The following FAT1 variants were observed in gnomAD, a reference collection of about 807,000 sequenced individuals.
FAT1 encodes the protein protocadherin Fat 1.
In FAT1, 171 loss-of-function variants were observed where a neutral mutation model predicts 329.8. The ratio of observed to expected loss-of-function variants is 0.52; its 90% CI spans 0.46 to 0.59. FAT1 has a LOEUF of 0.59. Among genes scored for constraint, FAT1 ranks in the 20% least tolerant of loss-of-function variants. The pLI is 0.00. For synonymous variants in FAT1, 2,233 were observed against 2,228.6 expected (o/e 1.00, Z -0.06); for missense variants, 5,672 against 5,774.4 (o/e 0.98, Z 0.57).
rs760021822 is a variant in FAT1 at position 186,707,171 on chromosome 4, T to C, written c.2657A>G (p.Glu886Gly). The change falls in exon 2 of 27, where the codon GAG becomes GGG. Residue 886 changes from glutamate to glycine, a missense_variant. Around this residue, in one of 2 missense-constraint regions of FAT1, gnomAD observed 3,966 missense variants for 3,915.2 expected, o/e 1.01. Transcript: ENST00000441802. ...VVNIARPLDRELQHEHSLKIE... is the reference protein window; with the variant it reads ...VVNIARPLDRGLQHEHSLKIE... ...CTTTAAGGAGTGCTCATGCTGCAGC[T>C]CTCGATCCAGAGGGCGTGCGATGTT... 6 of 1,613,800 alleles carry C rather than the reference T, an allele frequency of 3.7e-6. No homozygotes were observed. The highest frequency in any genetic ancestry group is 2.5e-6 in the Non-Finnish European group (3 of 1,179,882).
At chr4:186,597,815 C>A (rs760226790) in intron 23 of FAT1, 23 bp from the exon 24 acceptor site, 4 of 1,598,482 alleles carry the variant, frequency 2.5e-6, no homozygotes, top group Non-Finnish European at 2.6e-6. Flanking sequence ...GAGAAACAGA[C>A]ATAAACCTCA....
At position 186,611,781 on chromosome 4, in the gene FAT1, A is replaced by G. The variant is rs1177353413; in HGVS notation, c.9464-6T>C. ...TAAAATCTTCCGATTTAATCCTATG[A>G]AGACATAAAAACATGTCAAAAGATT... is the stretch of plus-strand genomic sequence containing the variant. On this transcript the variant is annotated splice_polypyrimidine_tract_variant and splice_region_variant and intron_variant, in intron 13 of 26. Transcript: ENST00000441802. The G allele has an allele frequency of 5.2e-6, 8 of 1,537,406 alleles. No individual in the cohort carries two copies. The highest frequency in any genetic ancestry group is 2.2e-5 in the Admixed American group (1 of 45,032).
Position 186,642,507 on chromosome 4 carries a change from C to T in FAT1, c.3581-2724G>A, listed in dbSNP as rs189261792. ...GAATGAGCAGAATTAAAAATATGTG[C>T]TAGAGTGAGAGAGATAAACTACTGT... On this transcript the variant is annotated intron_variant, in intron 3 of 26. Transcript: ENST00000441802. 1.8e-4 allele frequency among the ~76,000 whole-genome samples: 27 copies of T among 152,304 alleles called. 1 individual carries two copies. The highest frequency in any genetic ancestry group is 6.5e-4 in the African/African-American group (27 of 41,568).
chr4:186,662,841 ATTTTT>A (rs34295738), intron 3 of FAT1, among the ~76,000 whole-genome samples: 1 of 147,892 alleles, frequency 6.8e-6, no homozygotes, highest in Non-Finnish European at 1.5e-5. Context: ...ATTTAAGCTA[ATTTTT>A]TTTTTTTTGA....
At position 186,639,706 on chromosome 4, in the gene FAT1, TA is replaced by T. The variant is rs113622948; in HGVS notation, c.3642+15del. 873 of 1,407,368 alleles carry T rather than the reference TA, an allele frequency of 6.2e-4. 1 individual carries two copies. Among genetic ancestry groups the T allele is most frequent in the Admixed American group, 9.2e-4 (48 of 51,892 alleles). 87.2% of individuals were successfully genotyped at this position (1,407,368 alleles called of 1,614,324 possible). ...ACTACGAATCTTTAAGTATTAAAGA[TA>T]AAAAAAAAACTTACCTCTAATATGT... On this transcript the variant is annotated intron_variant, in intron 4 of 26. Coordinates refer to ENST00000441802, the MANE Select transcript of FAT1 (RefSeq NM_005245.4).
Position 186,620,693 on chromosome 4 carries a change from C to T in FAT1, c.5893G>A (p.Val1965Ile), listed in dbSNP as rs747920188. 9.3e-6 allele frequency: 15 copies of T among 1,613,882 alleles called. No individual in the cohort carries two copies. The highest frequency in any genetic ancestry group is 5.9e-6 in the Non-Finnish European group (7 of 1,179,908). ...TTGCTTTCTTTCACATTAATTTTGA[C>T]AGAGGTAAGGCCGGCAAATCTGCCA... ...SDGRFAGLTS[V>I]KINVKESKES... Residue 1965 changes from valine (V) to isoleucine (I), a missense_variant, in exon 10 of 27, where the codon GTC becomes ATC. This residue lies in a region of FAT1 where 3,966 missense variants were observed against 3,915.2 expected (regional missense o/e 1.01). Transcript: ENST00000441802.
upstream of FAT1, among the ~76,000 whole-genome samples, chr4:186,725,615 T>C (rs964287108): frequency 1.3e-5 from 2 of 151,908 alleles, no homozygotes; most frequent in Non-Finnish European, 2.9e-5. This position sits in a 1 kb window ranked among gnomAD's most constrained non-coding sequence, Gnocchi z 5.4. Context: ...CTTAGGACTC[T>C]GCCACGATTC....
chr4:186,693,859 T>C (rs933239933), intron 2 of FAT1, among the ~76,000 whole-genome samples: 4 of 152,370 alleles, frequency 2.6e-5, no homozygotes, highest in South Asian at 2.1e-4. Flanking sequence ...GAGTTTCTCA[T>C]GTATTTCATC....
intron 7 of FAT1, among the ~76,000 whole-genome samples, chr4:186,630,149 C>T (rs577221303): frequency 1.2e-4 from 19 of 152,302 alleles, no homozygotes; most frequent in African/African-American, 4.6e-4. Flanking sequence ...CATAGAGCCA[C>T]CAGGCTTACC....
chr4:186,691,564 G>C (rs755118906), intron 2 of FAT1, among the ~76,000 whole-genome samples: 1 of 152,180 alleles, frequency 6.6e-6, no homozygotes, highest in African/African-American at 2.4e-5. Flanking sequence ...GCTTTGGGAG[G>C]CCAAGGTAGT....
chr4:186,627,277 C>T (rs937641364), intron 9 of FAT1, among the ~76,000 whole-genome samples: 1 of 144,830 alleles, frequency 6.9e-6, no homozygotes, highest in Non-Finnish European at 1.5e-5. Flanking sequence ...CAACATGGCA[C>T]CTGGCACATA....
chr4:186,668,197 T>A (rs1579419064), intron 2 of FAT1, among the ~76,000 whole-genome samples: 1 of 152,214 alleles, frequency 6.6e-6, no homozygotes, highest in South Asian at 2.1e-4. Flanking sequence ...GTCAGCCCAG[T>A]TGCATGATAC....
chr4:186,717,485 C>G (rs780240230), intron 1 of FAT1, among the ~76,000 whole-genome samples: 10 of 152,166 alleles, frequency 6.6e-5, no homozygotes, highest in Non-Finnish European at 1.5e-4. Context: ...GATCAACCAC[C>G]GGTTCCAATT....
Position 186,596,731 on chromosome 4 carries a change from C to T in FAT1, c.12809G>A (p.Arg4270Gln), listed in dbSNP as rs1222913841. The T allele has an allele frequency of 1.5e-5, 25 of 1,613,790 alleles. No individual in the cohort carries two copies. Among genetic ancestry groups the T allele is most frequent in the South Asian group, 1.3e-4 (12 of 91,082 alleles). ...GATAGCAGATCCTTCGAAGGAATTT[C>T]GGTCCAGATTGTTTCTTGAGTCACT... ...IPSDSRNNLD[R>Q]NSFEGSAIPE... The change falls in exon 25 of 27, where the codon CGA (arginine) becomes CAA (glutamine). Residue 4270 changes from arginine (R) to glutamine (Q), a missense_variant. Around this residue, in one of 2 missense-constraint regions of FAT1, gnomAD observed 1,706 missense variants for 1,859.1 expected, o/e 0.92. Transcript: ENST00000441802. This position sits in a 1 kb window ranked among gnomAD's most constrained non-coding sequence, Gnocchi z 4.7.
chr4:186,662,110 TG>T (rs1304305489), intron 3 of FAT1, among the ~76,000 whole-genome samples: 3 of 151,634 alleles, frequency 2.0e-5, no homozygotes, highest in Admixed American at 2.0e-4. Context: ...AACATCTCTT[TG>T]AGGGTTTTTG....
rs1201316065 is a variant in FAT1 at position 186,628,505 on chromosome 4, G to A, written c.4582C>T (p.His1528Tyr). 6.2e-7 allele frequency: 1 copy of A among 1,614,056 alleles called. No homozygotes were observed. Among genetic ancestry groups the A allele is most frequent in the Non-Finnish European group, 8.5e-7 (1 of 1,179,902 alleles). Residue 1528 changes from histidine to tyrosine, a missense_variant, in exon 8 of 27, where the codon CAC becomes TAC. Transcript: ENST00000441802. ...GCGCCTACCATGACCGTGAGGGTGT[G>A]CTGGTGAACAGCTTCATGATCCAGT... is the stretch of plus-strand genomic sequence containing the variant. ...EKLDHEAVHQ[H>Y]TLTVMVRDQD... is the part of the protein sequence containing the mutation.
At chr4:186,665,768 A>G (rs1353893946) in intron 2 of FAT1, among the ~76,000 whole-genome samples, 1 of 152,082 alleles carries the variant, frequency 6.6e-6, no homozygotes, top group Non-Finnish European at 1.5e-5. Flanking sequence ...TCACAATAGC[A>G]AAGACTTGGA....
rs778651988 is a variant in FAT1, at chr4:186,618,539, T to C, written c.8047A>G (p.Lys2683Glu). ...VRAVDNGSPS[K>E]ESVVLVYVKI... is the part of the protein sequence containing the mutation. ...ACATAGACAAGAACAACAGATTCTTTTGATGGAGACCCATTATCCACAGCT... is the reference window on the plus strand; with the variant it reads ...ACATAGACAAGAACAACAGATTCTTCTGATGGAGACCCATTATCCACAGCT... Residue 2683 changes from lysine to glutamate, a missense_variant, in exon 10 of 27, where the codon AAA becomes GAA. Physicochemically the swap from Lys to Glu is moderately conservative, Grantham distance 56. Around this residue, in one of 2 missense-constraint regions of FAT1, gnomAD observed 3,966 missense variants for 3,915.2 expected, o/e 1.01. Transcript: ENST00000441802. The C allele has an allele frequency of 3.1e-6, 5 of 1,613,922 alleles. No homozygotes were observed. The highest frequency in any genetic ancestry group is 3.4e-6 in the Non-Finnish European group (4 of 1,179,906).
intron 16 of FAT1, 49 bp from the exon 17 acceptor site, chr4:186,606,262 G>C (rs374837612): frequency 1.2e-6 from 2 of 1,600,430 alleles, no homozygotes; most frequent in East Asian, 2.2e-5. Context: ...AAGGCCGACA[G>C]AGCTCCAATG....
Sources: allele counts gnomAD v4.1 joint callset (sites outside exome capture counted in the v4.1 genomes callset), GRCh38; gene constraint gnomAD v4.1.1; regional missense constraint gnomAD v4.1.1; non-coding constraint Gnocchi (gnomAD v3.1); transcripts MANE v1.5; gene names NCBI Gene and HGNC (gene_info 2026-07-23, HGNC 2026-07-21).